Variants in APBB2 observed in about 807,000 individuals in gnomAD.
APBB2 encodes the protein Fe65-like 1.
APBB2 carries 38 observed loss-of-function variants against 82.5 expected under a neutral mutation model. The ratio of observed to expected loss-of-function variants is 0.46; its 90% CI spans 0.36 to 0.60. APBB2 has a LOEUF of 0.60. Ranked by LOEUF, APBB2 falls within the 20% of genes least tolerant of loss-of-function variation. The pLI is 0.00. For synonymous variants in APBB2, 341 were observed against 368.2 expected, an observed-to-expected ratio of 0.93 and a Z score of 0.85; for missense variants, 772 against 972.3, an observed-to-expected ratio of 0.79 and a Z score of 2.74.
intron 17 of APBB2, among the ~76,000 whole-genome samples, chr4:40,819,672 AAAT>A (rs2154294691): frequency 6.6e-6 from 1 of 152,304 alleles, no homozygotes; most frequent in South Asian, 2.1e-4. Flanking sequence ...TCCTGTCCTG[AAAT>A]AAACACATGA....
At chr4:41,093,660 C>G (rs1742535105) in intron 3 of APBB2, among the ~76,000 whole-genome samples, 1 of 151,988 alleles carries the variant, frequency 6.6e-6, no homozygotes, top group Non-Finnish European at 1.5e-5. Flanking sequence ...TCAAGACTAC[C>G]CTGACCAACA....
intron 12 of APBB2, among the ~76,000 whole-genome samples, chr4:40,859,131 C>T (rs1218636631): frequency 2.0e-5 from 3 of 152,136 alleles, no homozygotes; most frequent in Non-Finnish European, 4.4e-5. Context: ...CCACAGGGTA[C>T]GTCAAGTGTG....
At chr4:41,012,539 A>G (rs1164503563) in intron 6 of APBB2, among the ~76,000 whole-genome samples, 1 of 152,110 alleles carries the variant, frequency 6.6e-6, no homozygotes, top group Non-Finnish European at 1.5e-5. Context: ...AAGTACTGGG[A>G]TTTTTAAAGG....
At chr4:40,906,464 C>CAAAAAAAA (rs5857755) in intron 10 of APBB2, among the ~76,000 whole-genome samples, 11 of 67,980 alleles carry the variant, frequency 1.6e-4, no homozygotes, top group Non-Finnish European at 2.3e-4. Context: ...AAACCTGTCT[C>CAAAAAAAA]AAAAAAAAAA....
At chr4:40,998,519 A>G (rs767157220) in intron 6 of APBB2, among the ~76,000 whole-genome samples, 1 of 152,230 alleles carries the variant, frequency 6.6e-6, no homozygotes, top group South Asian at 2.1e-4. Flanking sequence ...CTGAACAACT[A>G]TTAAAATAGT....
intron 1 of APBB2, among the ~76,000 whole-genome samples, chr4:41,208,930 A>G (rs1309150613): frequency 6.6e-6 from 1 of 152,216 alleles, no homozygotes; most frequent in African/African-American, 2.4e-5. Context: ...AGAAAACAAG[A>G]TAAGATTCAA....
chr4:40,924,150 AGAT>A (rs1194073065), intron 10 of APBB2, among the ~76,000 whole-genome samples: 1 of 152,196 alleles, frequency 6.6e-6, no homozygotes, highest in African/African-American at 2.4e-5. Flanking sequence ...GGCTGGAATG[AGAT>A]GATCCTTATT....
intron 17 of APBB2, among the ~76,000 whole-genome samples, chr4:40,817,973 G>A (rs1017722732): frequency 7.2e-5 from 11 of 152,164 alleles, no homozygotes; most frequent in African/African-American, 2.7e-4. Context: ...TAGTAGTCAC[G>A]TACATCCAGT....
intron 4 of APBB2, among the ~76,000 whole-genome samples, chr4:41,057,778 G>C (rs1341100316): frequency 1.3e-5 from 2 of 152,202 alleles, no homozygotes; most frequent in Admixed American, 6.5e-5. Flanking sequence ...CCCATAAAAA[G>C]TTGCATGTGT....
chr4:40,933,533 G>A (rs946688378), intron 10 of APBB2, among the ~76,000 whole-genome samples: 4 of 152,160 alleles, frequency 2.6e-5, no homozygotes, highest in African/African-American at 7.2e-5. Flanking sequence ...TGCCAGCCCA[G>A]ACTGGGCTGG....
At chr4:41,177,330 T>C (rs562571711) in intron 1 of APBB2, among the ~76,000 whole-genome samples, 170 of 152,300 alleles carry the variant, frequency 1.1e-3, no homozygotes, top group African/African-American at 3.6e-3. Flanking sequence ...TTATTCTGGT[T>C]ATGAAACAAA....
chr4:40,907,375 ATATATTTTT>A lies in APBB2; in HGVS notation c.1255-13973_1255-13965del, dbSNP rs1408215500. Reference sequence around the variant, plus strand: ...TATATATATATATATATATATATATATATATTTTTTTTTTTTTTTTTTTTTAGACAGAGT... The same window carrying A: ...TATATATATATATATATATATATATATTTTTTTTTTTTTTTTAGACAGAGT... On this transcript the variant is annotated intron_variant, in intron 10 of 17. Transcript: ENST00000508593. Among the ~76,000 whole-genome samples the A allele has an allele frequency of 5.2e-3, 169 of 32,456 alleles. 1 individual carries two copies. The highest frequency in any genetic ancestry group is 0.024 in the African/African-American group (145 of 6,126). The allele number at this position is 32,456 out of a possible 152,430, so 21.3% of individuals were successfully genotyped here. A position where few individuals can be genotyped will look rare whatever the true frequency, so the allele number is the denominator to read the frequency against.
chr4:40,845,931 CCT>C (rs1303223107), intron 12 of APBB2, among the ~76,000 whole-genome samples: 1 of 144,270 alleles, frequency 6.9e-6, no homozygotes, highest in Non-Finnish European at 1.5e-5. Flanking sequence ...TGCACCAGCT[CCT>C]GAGTCTGACA....
At chr4:41,169,110 T>C (rs2154051718) in intron 1 of APBB2, among the ~76,000 whole-genome samples, 1 of 142,398 alleles carries the variant, frequency 7.0e-6, no homozygotes, top group East Asian at 2.1e-4. Context: ...GTTTGAACCC[T>C]GGAGGCAGAG....
chr4:41,067,168 G>A (rs1333172544), intron 3 of APBB2, among the ~76,000 whole-genome samples: 1 of 152,146 alleles, frequency 6.6e-6, no homozygotes, highest in Non-Finnish European at 1.5e-5. Context: ...CCAGCACTTT[G>A]GGAGGCCAAG....
chr4:40,849,566 T>G (rs368771619), intron 12 of APBB2, among the ~76,000 whole-genome samples: 1 of 152,108 alleles, frequency 6.6e-6, no homozygotes, highest in Non-Finnish European at 1.5e-5. Flanking sequence ...GACAACACAT[T>G]CCCATACCTG....
intron 2 of APBB2, among the ~76,000 whole-genome samples, chr4:41,112,494 G>A (rs994002995): frequency 1.3e-5 from 2 of 152,162 alleles, no homozygotes; most frequent in East Asian, 1.9e-4. Flanking sequence ...CTCCTTTCCC[G>A]CTTCCAGGTA....
intron 4 of APBB2, among the ~76,000 whole-genome samples, chr4:41,055,726 T>C (rs1163940342): frequency 1.3e-5 from 2 of 152,188 alleles, no homozygotes; most frequent in African/African-American, 2.4e-5. Context: ...AGCTCCACCA[T>C]TGTCTGTGTA....
chr4:41,087,921 A>G (rs1358901968), intron 3 of APBB2, among the ~76,000 whole-genome samples: 1 of 152,224 alleles, frequency 6.6e-6, no homozygotes, highest in East Asian at 1.9e-4. Flanking sequence ...AGCCTTTTCC[A>G]GCAATAGATG....
Sources: allele counts gnomAD v4.1 joint callset (sites outside exome capture counted in the v4.1 genomes callset), GRCh38; gene constraint gnomAD v4.1.1; transcripts MANE v1.5; gene names NCBI Gene and HGNC (gene_info 2026-07-23, HGNC 2026-07-21).